Variants in KRT86 observed in about 807,000 individuals in gnomAD.
KRT86 encodes the protein keratin 86.
Under a neutral mutation model 41.2 loss-of-function variants are expected in KRT86, and 30 were observed. That is an observed-to-expected ratio of 0.73 (90% CI 0.54 to 0.99). KRT86 has a LOEUF of 0.99. Ranked by LOEUF, KRT86 falls within the 50% of genes least tolerant of loss-of-function variation. KRT86 has a pLI of 0.00. For missense variants in KRT86, 561 were observed against 571.4 expected (o/e 0.98, Z 0.19); for synonymous variants, 238 against 238.1 (o/e 1.00, Z 0.00).
intron 2 of KRT86, among the ~76,000 whole-genome samples, chr12:52,283,392 CAA>C (rs1169224117): frequency 1.1e-3 from 45 of 39,562 alleles, no homozygotes; most frequent in East Asian, 5.0e-3. Context: ...AACTGTCTCA[CAA>C]AAAAAAAAAA....
At chr12:52,293,487 T>A (rs142123279) in intron 2 of KRT86, among the ~76,000 whole-genome samples, 1 of 152,214 alleles carries the variant, frequency 6.6e-6, no homozygotes, top group East Asian at 1.9e-4. Flanking sequence ...TATCTGTGAA[T>A]TTAGGGTGTG....
intron 2 of KRT86, chr12:52,286,484 C>T: frequency 6.4e-7 from 1 of 1,552,368 alleles, no homozygotes; most frequent in Non-Finnish European, 8.7e-7. Context: ...GCCCCGGGAG[C>T]TGCTGACACC....
chr12:52,297,479 G>A (rs1938277436), intron 2 of KRT86, among the ~76,000 whole-genome samples: 1 of 152,166 alleles, frequency 6.6e-6, no homozygotes, highest in Non-Finnish European at 1.5e-5. Flanking sequence ...TCTAGTCTAA[G>A]CGATCAACTA....
chr12:52,288,145 T>C lies in KRT86; in HGVS notation c.-5+12199T>C, dbSNP rs765456866. 2.1e-5 allele frequency: 34 copies of C among 1,613,880 alleles called. No individual in the cohort carries two copies. The highest frequency in any genetic ancestry group is 2.5e-5 in the Non-Finnish European group (30 of 1,179,980). The stretch of plus-strand genomic sequence containing the variant: ...GAGATGTGCGACTGGAGAATGAGGA[T>C]CTCCTGCAGGAGGTGAGGGCAGTGA... On this transcript the variant is annotated intron_variant, in intron 2 of 10. Transcript: ENST00000423955.
rs570359711 is a variant in KRT86, at chr12:52,304,559, G to A, written c.640-373G>A. 4.6e-5 allele frequency among the ~76,000 whole-genome samples: 7 copies of A among 152,030 alleles called. No homozygotes were observed. The East Asian group carries it at 9.7e-4, about 21-fold the overall frequency. On this transcript the variant is annotated intron_variant, in intron 5 of 10. Coordinates refer to ENST00000423955, the MANE Select transcript of KRT86 (RefSeq NM_001320198.2). ...CAGAGACACAATCCCAGGTTCTAAG[G>A]GGGGATGGAGAAGAACCAGGAGTAG... is the stretch of plus-strand genomic sequence containing the variant.
intron 2 of KRT86, among the ~76,000 whole-genome samples, chr12:52,297,525 G>A (rs998104646): frequency 5.9e-5 from 9 of 152,196 alleles, no homozygotes; most frequent in African/African-American, 1.9e-4. Flanking sequence ...CCTCCAGGGA[G>A]CAGAATGAAC....
At chr12:52,282,636 A>G (rs771076274) in intron 2 of KRT86, among the ~76,000 whole-genome samples, 5 of 152,348 alleles carry the variant, frequency 3.3e-5, no homozygotes, top group Non-Finnish European at 2.9e-5. Context: ...AGGAGGAATA[A>G]GTAGGCAAGC....
intron 9 of KRT86, 195 bp downstream of exon 9, chr12:52,306,475 G>A: frequency 1.3e-6 from 1 of 783,272 alleles, no homozygotes; most frequent in Non-Finnish European, 2.0e-6. Context: ...ACTGATCTGA[G>A]ATTGCAGTCT....
At position 52,286,608 on chromosome 12, in the gene KRT86, G is replaced by C; in HGVS notation, c.-5+10662G>C. The C allele has an allele frequency of 2.3e-6, 3 of 1,280,454 alleles. No homozygotes were observed. In the South Asian group the frequency reaches 3.8e-5, roughly 16 times the overall value. The allele number at this position is 1,280,454 out of a possible 1,614,324, so 79.3% of individuals were successfully genotyped here. On this transcript the variant is annotated intron_variant, in intron 2 of 10. Coordinates refer to ENST00000423955, the MANE Select transcript of KRT86 (RefSeq NM_001320198.2). ...TATGAAAAGTCAGAAGCATCTTTGT[G>C]GACAATTCTAGGTCCATCTAGTCCA...
intron 2 of KRT86, among the ~76,000 whole-genome samples, chr12:52,280,485 A>G (rs1732433933): frequency 6.6e-6 from 1 of 152,190 alleles, no homozygotes; most frequent in African/African-American, 2.4e-5. Flanking sequence ...CATTGGCCAG[A>G]GGCTTGGGCT....
intron 2 of KRT86, among the ~76,000 whole-genome samples, chr12:52,291,802 G>A (rs923558164): frequency 1.3e-5 from 2 of 152,110 alleles, no homozygotes; most frequent in Non-Finnish European, 2.9e-5. Context: ...GGGGAGGGAA[G>A]GGGAAGGCAG....
chr12:52,293,198 G>A (rs777963108), intron 2 of KRT86, among the ~76,000 whole-genome samples: 8 of 152,142 alleles, frequency 5.3e-5, no homozygotes, highest in Non-Finnish European at 1.0e-4. Flanking sequence ...ATAAGAATAT[G>A]TTTCTTTTTA....
chr12:52,280,076 G>C (rs1324540565), intron 2 of KRT86, among the ~76,000 whole-genome samples: 3 of 152,220 alleles, frequency 2.0e-5, no homozygotes, highest in African/African-American at 7.2e-5. Flanking sequence ...GGGCTGGAGA[G>C]AGATGAACAC....
chr12:52,275,497 G>A lies in KRT86; in HGVS notation c.-130-324G>A, dbSNP rs188714387. Among the ~76,000 whole-genome samples, 177 of 152,260 alleles carry A rather than the reference G, an allele frequency of 1.2e-3. 1 individual carries two copies. The highest frequency in any genetic ancestry group is 3.9e-3 in the African/African-American group (161 of 41,534). On this transcript the variant is annotated intron_variant, in intron 1 of 10. Transcript: ENST00000423955. Reference sequence around the variant, plus strand: ...AAACTACAATAATCAGTTTCCTAGAGTTTAACTCTCCCTGTTCCTGGGATA... The same window carrying A: ...AAACTACAATAATCAGTTTCCTAGAATTTAACTCTCCCTGTTCCTGGGATA...
chr12:52,282,676 A>G (rs528668013), intron 2 of KRT86, among the ~76,000 whole-genome samples: 6 of 152,330 alleles, frequency 3.9e-5, no homozygotes, highest in Admixed American at 2.0e-4. Flanking sequence ...CTCCTTGGCC[A>G]GAGGGCACCT....
chr12:52,280,001 G>A (rs982177957), intron 2 of KRT86, among the ~76,000 whole-genome samples: 2 of 152,284 alleles, frequency 1.3e-5, no homozygotes, highest in Non-Finnish European at 2.9e-5. Context: ...GGTGAGATGG[G>A]GATTGGGCCA....
At chr12:52,297,990 G>A (rs942343055) in intron 2 of KRT86, among the ~76,000 whole-genome samples, 1 of 152,238 alleles carries the variant, frequency 6.6e-6, no homozygotes, top group African/African-American at 2.4e-5. Context: ...AGATGAGTGA[G>A]TGTGCCATCA....
chr12:52,294,959 T>A (rs988651215), intron 2 of KRT86, among the ~76,000 whole-genome samples: 6 of 152,238 alleles, frequency 3.9e-5, no homozygotes, highest in African/African-American at 1.2e-4. Context: ...TCATTTTCAC[T>A]GTGGATTGCA....
rs767618159 is a variant in KRT86, at chr12:52,302,140, C to T, written c.224C>T (p.Pro75Leu). 2 of 1,515,744 alleles carry T rather than the reference C, an allele frequency of 1.3e-6. No homozygotes were observed. Among genetic ancestry groups the T allele is most frequent in the East Asian group, 4.9e-5 (2 of 41,188 alleles). 93.9% of individuals were successfully genotyped at this position (1,515,744 alleles called of 1,614,324 possible). The stretch of plus-strand genomic sequence containing the variant: ...TCCGGGGGCGTGTGCGGGCCCAGTC[C>T]CCCATGCATCACCACCGTGTCGGTC... ...YRSGGVCGPS[P>L]PCITTVSVNE... Residue 75 changes from proline to leucine, a missense_variant, in exon 3 of 11, where the codon CCC (proline) becomes CTC (leucine). By Grantham distance (98) the Pro-to-Leu change is moderately conservative. Transcript: ENST00000423955.
Sources: allele counts gnomAD v4.1 joint callset (sites outside exome capture counted in the v4.1 genomes callset), GRCh38; gene constraint gnomAD v4.1.1; transcripts MANE v1.5; gene names NCBI Gene and HGNC (gene_info 2026-07-23, HGNC 2026-07-21).